CNTNAP2: variants seen among roughly 807,000 people sequenced by gnomAD.
CNTNAP2 encodes contactin associated protein 2, also known as contactin-associated protein-like 2.
A neutral mutation model predicts 155.2 loss-of-function variants in CNTNAP2; 98 were observed. The observed-to-expected ratio is 0.63, with a 90% CI of 0.54 to 0.75. The LOEUF is 0.75. CNTNAP2 is among the 30% of genes least tolerant of loss of function. CNTNAP2 has a pLI of 0.00. For synonymous variants in CNTNAP2, 651 were observed against 631.2 expected (o/e 1.03, Z -0.47); for missense variants, 1,727 against 1,688.1 (o/e 1.02, Z -0.40).
At chr7:147,875,146 A>G (rs533089315) in intron 13 of CNTNAP2, among the ~76,000 whole-genome samples, 1 of 152,298 alleles carries the variant, frequency 6.6e-6, no homozygotes, top group South Asian at 2.1e-4. Flanking sequence ...ATTTTTAGGT[A>G]TCTTTATATC....
intron 4 of CNTNAP2, among the ~76,000 whole-genome samples, chr7:147,089,182 G>T (rs11980187): frequency 0.027 from 4,154 of 152,226 alleles, 181 homozygotes; most frequent in African/African-American, 0.087. Context: ...CCTGCAGAGA[G>T]AATTATCTGT....
At chr7:146,539,876 G>C (rs1797925381) in intron 1 of CNTNAP2, among the ~76,000 whole-genome samples, 1 of 152,014 alleles carries the variant, frequency 6.6e-6, no homozygotes, top group Non-Finnish European at 1.5e-5. Context: ...TTTCCTAAAA[G>C]AAAAACAAAA....
chr7:147,799,734 C>A (rs918462000), intron 13 of CNTNAP2, among the ~76,000 whole-genome samples: 3 of 152,146 alleles, frequency 2.0e-5, no homozygotes, highest in Non-Finnish European at 4.4e-5. Flanking sequence ...AAATTGTCTT[C>A]CAGAAGCTAT....
At chr7:146,562,949 A>G (rs1440983132) in intron 1 of CNTNAP2, among the ~76,000 whole-genome samples, 1 of 152,178 alleles carries the variant, frequency 6.6e-6, no homozygotes, top group African/African-American at 2.4e-5. Flanking sequence ...GGTTTTGTAT[A>G]TATAGAATCA....
chr7:148,068,261 TC>T (rs1803307978), intron 15 of CNTNAP2, among the ~76,000 whole-genome samples: 2 of 152,184 alleles, frequency 1.3e-5, no homozygotes, highest in African/African-American at 4.8e-5. Context: ...CTGTTGTCTT[TC>T]CCCAGTTCCA....
At chr7:146,268,380 C>T (rs542988367) in intron 1 of CNTNAP2, among the ~76,000 whole-genome samples, 1 of 152,272 alleles carries the variant, frequency 6.6e-6, no homozygotes, top group South Asian at 2.1e-4. Flanking sequence ...CTTTTATGGT[C>T]ATCCTATAGT....
intron 1 of CNTNAP2, among the ~76,000 whole-genome samples, chr7:146,154,855 C>T (rs546187877): frequency 1.3e-5 from 2 of 152,154 alleles, no homozygotes; most frequent in African/African-American, 4.8e-5. Context: ...TATTCCTTCC[C>T]TTCAGAGCCA....
intron 1 of CNTNAP2, among the ~76,000 whole-genome samples, chr7:146,555,640 G>C (rs930092136): frequency 3.3e-5 from 5 of 152,042 alleles, no homozygotes; most frequent in Admixed American, 6.6e-5. Flanking sequence ...TAAACATTTA[G>C]AGAACAATAA....
chr7:147,254,725 C>G (rs905197777), intron 8 of CNTNAP2, among the ~76,000 whole-genome samples: 1 of 152,172 alleles, frequency 6.6e-6, no homozygotes, highest in African/African-American at 2.4e-5. Flanking sequence ...TCAAAACATA[C>G]AGCTTGACAT....
intron 11 of CNTNAP2, among the ~76,000 whole-genome samples, chr7:147,487,601 T>C (rs1798532667): frequency 6.6e-6 from 1 of 152,162 alleles, no homozygotes; most frequent in African/African-American, 2.4e-5. Flanking sequence ...CGGTGGTGGT[T>C]GCAAGGATTT....
chr7:146,810,015 T>G (rs996504854), intron 2 of CNTNAP2, among the ~76,000 whole-genome samples: 3 of 152,214 alleles, frequency 2.0e-5, no homozygotes, highest in Non-Finnish European at 4.4e-5. Context: ...CATTTGGAGT[T>G]AATTTTTGTA....
At chr7:146,612,485 A>G (rs1799154709) in intron 1 of CNTNAP2, among the ~76,000 whole-genome samples, 1 of 152,048 alleles carries the variant, frequency 6.6e-6, no homozygotes, top group Admixed American at 6.5e-5. Flanking sequence ...AAGAACAAAA[A>G]GGAGTATTTT....
intron 13 of CNTNAP2, among the ~76,000 whole-genome samples, chr7:147,737,115 T>G (rs1796865733): frequency 6.6e-6 from 1 of 152,198 alleles, no homozygotes; most frequent in Non-Finnish European, 1.5e-5. Flanking sequence ...CATAGAATTT[T>G]CAGTTTTTCT....
At chr7:147,654,365 A>C (rs1795493941) in intron 13 of CNTNAP2, among the ~76,000 whole-genome samples, 1 of 152,206 alleles carries the variant, frequency 6.6e-6, no homozygotes, top group Admixed American at 6.5e-5. Context: ...CTGATGACGA[A>C]GGTATAAGAT....
At chr7:146,994,249 A>G (rs536886309) in intron 3 of CNTNAP2, among the ~76,000 whole-genome samples, 1 of 152,284 alleles carries the variant, frequency 6.6e-6, no homozygotes, top group East Asian at 1.9e-4. Flanking sequence ...TTGCAGGCAC[A>G]GAGCAAGTAA....
chr7:148,403,927 A>G (rs1336679555), intron 22 of CNTNAP2, among the ~76,000 whole-genome samples: 1 of 152,202 alleles, frequency 6.6e-6, no homozygotes, highest in South Asian at 2.1e-4. Context: ...TGACCTGAGG[A>G]TTTTCTACAA....
chr7:148,267,105 C>A lies in CNTNAP2; in HGVS notation c.3454C>A (p.Leu1152Ile). The A allele has an allele frequency of 6.2e-7, 1 of 1,614,110 alleles. No homozygotes were observed. Among genetic ancestry groups the A allele is most frequent in the Non-Finnish European group, 8.5e-7 (1 of 1,179,966 alleles). ...SDTLFNSPKS[L>I]FLGKVIETGK... is the part of the protein sequence containing the mutation. ...CACCCTCTTCAATTCTCCCAAGTCG[C>A]TCTTTCTGGGAAAAGTTATAGGTAA... The change falls in exon 21 of 24, where the codon CTC (leucine) becomes ATC (isoleucine). Residue 1152 changes from leucine (L) to isoleucine (I), a missense_variant. By Grantham distance (5) the Leu-to-Ile change is conservative. Transcript: ENST00000361727.
chr7:146,947,131 G>A (rs1203080977), intron 3 of CNTNAP2, among the ~76,000 whole-genome samples: 1 of 151,370 alleles, frequency 6.6e-6, no homozygotes, highest in Non-Finnish European at 1.5e-5. Flanking sequence ...TCCCATGTAC[G>A]AGTAGTTCTC....
intron 1 of CNTNAP2, among the ~76,000 whole-genome samples, chr7:146,617,043 G>A (rs1799238189): frequency 9.4e-6 from 1 of 106,896 alleles, no homozygotes; most frequent in African/African-American, 3.9e-5. Flanking sequence ...GTTTTGAGAC[G>A]GAGTCTCGCT....
Sources: gnomAD v4.1 joint callset for allele counts (sites outside exome capture counted in the v4.1 genomes callset) on GRCh38, gnomAD v4.1.1 for gene constraint, MANE v1.5 for transcripts, NCBI Gene and HGNC (gene_info 2026-07-23, HGNC 2026-07-21) for gene names.